ANKFN1: variants seen among roughly 807,000 people sequenced by gnomAD.
The protein encoded by ANKFN1 is ankyrin repeat and fibronectin type-III domain-containing protein 1.
A neutral mutation model predicts 108.7 loss-of-function variants in ANKFN1; 74 were observed. That is an observed-to-expected ratio of 0.68 (90% CI 0.56 to 0.83). ANKFN1 has a LOEUF of 0.83. Ranked by LOEUF, ANKFN1 falls within the 40% of genes least tolerant of loss-of-function variation. ANKFN1 has a pLI of 0.00. For missense variants in ANKFN1, 1,505 were observed against 1,382.3 expected (o/e 1.09, Z -1.41); for synonymous variants, 547 against 516.2 (o/e 1.06, Z -0.81).
At chr17:56,184,312 C>T (rs1911980910) in intron 1 of ANKFN1, among the ~76,000 whole-genome samples, 1 of 152,174 alleles carries the variant, frequency 6.6e-6, no homozygotes. Flanking sequence ...AACATAGAGG[C>T]AAGACCCTTC....
chr17:56,257,686 C>G (rs2043393011), intron 3 of ANKFN1, among the ~76,000 whole-genome samples: 1 of 152,154 alleles, frequency 6.6e-6, no homozygotes, highest in Admixed American at 6.5e-5. Flanking sequence ...AGGTGTTTAG[C>G]ACAGTGGAAA....
At chr17:56,130,467 G>A (rs184131779) in intron 4 of ANKFN1, among the ~76,000 whole-genome samples, 1 of 152,210 alleles carries the variant, frequency 6.6e-6, no homozygotes, top group East Asian at 1.9e-4. Flanking sequence ...AATATCTCAA[G>A]TATGGCTGTT....
At chr17:56,418,410 T>C (rs538230151) in intron 8 of ANKFN1, among the ~76,000 whole-genome samples, 24 of 152,280 alleles carry the variant, frequency 1.6e-4, no homozygotes, top group African/African-American at 4.6e-4. Context: ...GAGAAGCCCC[T>C]TTGTTTTAAA....
intron 8 of ANKFN1, among the ~76,000 whole-genome samples, chr17:56,419,825 AAAAG>A (rs1436725998): frequency 2.8e-5 from 4 of 144,782 alleles, no homozygotes; most frequent in South Asian, 4.4e-4. Context: ...AAAAAAAAAA[AAAAG>A]AAAGAAATAA....
chr17:56,456,188 A>T (rs769460328), intron 11 of ANKFN1, among the ~76,000 whole-genome samples: 19 of 152,212 alleles, frequency 1.2e-4, no homozygotes, highest in Non-Finnish European at 2.5e-4. Flanking sequence ...GTTAGAAGGC[A>T]ATTGCGGGAG....
At chr17:56,048,833 C>T (rs1904724923) in intron 4 of ANKFN1, among the ~76,000 whole-genome samples, 1 of 152,204 alleles carries the variant, frequency 6.6e-6, no homozygotes, top group African/African-American at 2.4e-5. Context: ...TCCTTCCCTC[C>T]CCTAACAGAG....
intron 4 of ANKFN1, among the ~76,000 whole-genome samples, chr17:56,330,748 G>T (rs910075187): frequency 3.3e-5 from 5 of 152,074 alleles, no homozygotes; most frequent in African/African-American, 1.2e-4. Context: ...AATCCCTTGG[G>T]TCTATCACAG....
At chr17:56,188,004 A>G (rs1049723039) in intron 1 of ANKFN1, among the ~76,000 whole-genome samples, 3 of 152,212 alleles carry the variant, frequency 2.0e-5, no homozygotes, top group Non-Finnish European at 2.9e-5. Flanking sequence ...CGGGTGCAGC[A>G]CACAAACATG....
At chr17:56,278,915 G>A (rs186368187) in intron 3 of ANKFN1, among the ~76,000 whole-genome samples, 11 of 152,316 alleles carry the variant, frequency 7.2e-5, no homozygotes. Context: ...GAAGCTTAAA[G>A]GTGAAAGATC....
chr17:56,108,270 G>A lies in ANKFN1; in HGVS notation c.288+61945G>A, dbSNP rs148218706. Among the ~76,000 whole-genome samples, 472 of 152,250 alleles carry A rather than the reference G, an allele frequency of 3.1e-3. 3 individuals are homozygous for A. The highest frequency in any genetic ancestry group is 0.02 in the Middle Eastern group (6 of 294). On this transcript the variant is annotated intron_variant, in intron 4 of 12. Transcript: ENST00000635860. The stretch of plus-strand genomic sequence containing the variant: ...AGGATGGTCTCAATCTCTTGACCTC[G>A]TGATCTGCCCACCTCAGCCTCCCAA...
intron 4 of ANKFN1, among the ~76,000 whole-genome samples, chr17:56,128,611 C>G (rs372914785): frequency 2.0e-5 from 3 of 152,312 alleles, no homozygotes; most frequent in African/African-American, 7.2e-5. Flanking sequence ...AAACTAGATG[C>G]TCTTTCTAAT....
chr17:56,244,003 CAG>C (rs1917774533), intron 3 of ANKFN1, among the ~76,000 whole-genome samples: 1 of 151,952 alleles, frequency 6.6e-6, no homozygotes, highest in African/African-American at 2.4e-5. Flanking sequence ...CAGGAACTAT[CAG>C]GGGTGGGGAG....
intron 6 of ANKFN1, among the ~76,000 whole-genome samples, chr17:56,357,394 A>G (rs988100892): frequency 2.0e-5 from 3 of 152,216 alleles, no homozygotes; most frequent in African/African-American, 7.2e-5. Flanking sequence ...GGAAATGAAT[A>G]AGGATGCCAG....
intron 8 of ANKFN1, among the ~76,000 whole-genome samples, chr17:56,434,224 A>C (rs934899498): frequency 6.6e-6 from 1 of 152,162 alleles, no homozygotes; most frequent in Non-Finnish European, 1.5e-5. Context: ...TCATATGATA[A>C]GCAAAACTAG....
intron 8 of ANKFN1, among the ~76,000 whole-genome samples, chr17:56,403,142 C>A (rs1211683099): frequency 2.0e-5 from 3 of 152,032 alleles, no homozygotes; most frequent in African/African-American, 7.2e-5. Flanking sequence ...GAGAAAGTTC[C>A]ATGTGCTGTT....
chr17:56,147,538 A>AAGGGG (rs1347697744), intron 4 of ANKFN1, among the ~76,000 whole-genome samples: 1 of 152,200 alleles, frequency 6.6e-6, no homozygotes, highest in African/African-American at 2.4e-5. Context: ...TACTGATCAA[A>AAGGGG]AGGGGAAGCC....
At chr17:56,341,655 C>G (rs11079223) in intron 4 of ANKFN1, among the ~76,000 whole-genome samples, 4 of 151,694 alleles carry the variant, frequency 2.6e-5, no homozygotes, top group African/African-American at 9.7e-5. Context: ...AAGGATGAAG[C>G]CTATTTCATC....
chr17:56,474,898 C>T (rs927403440), intron 15 of ANKFN1, among the ~76,000 whole-genome samples: 5 of 152,126 alleles, frequency 3.3e-5, no homozygotes, highest in Non-Finnish European at 7.4e-5. Flanking sequence ...GCTTCTTGAT[C>T]ATGAGATCAA....
At chr17:56,411,421 A>T (rs538220757) in intron 8 of ANKFN1, among the ~76,000 whole-genome samples, 6 of 152,112 alleles carry the variant, frequency 3.9e-5, no homozygotes, top group African/African-American at 1.4e-4. Context: ...TATATGTAAG[A>T]TCATGTTATC....
Sources: gnomAD v4.1 joint callset for allele counts (sites outside exome capture counted in the v4.1 genomes callset) on GRCh38, gnomAD v4.1.1 for gene constraint, MANE v1.5 for transcripts, NCBI Gene and HGNC (gene_info 2026-07-23, HGNC 2026-07-21) for gene names.